Variants in FRMD4B observed in about 807,000 individuals in gnomAD.
FRMD4B encodes FERM domain containing 4B.
Under a neutral mutation model 141.5 loss-of-function variants are expected in FRMD4B, and 74 were observed. The observed-to-expected ratio is 0.52, with a 90% CI of 0.43 to 0.63. FRMD4B has a LOEUF of 0.63. FRMD4B is among the 30% of genes least tolerant of loss of function. FRMD4B has a pLI of 0.00. For synonymous variants in FRMD4B, 506 were observed against 467.9 expected (o/e 1.08, Z -1.05); for missense variants, 1,366 against 1,253.4 (o/e 1.09, Z -1.36).
At chr3:69,528,715 T>C (rs1700968518) in intron 1 of FRMD4B, among the ~76,000 whole-genome samples, 2 of 151,876 alleles carry the variant, frequency 1.3e-5, no homozygotes, top group Non-Finnish European at 2.9e-5. Flanking sequence ...CAAACAAGGA[T>C]TCAAGTGTAA....
chr3:69,215,680 G>C (rs1474436486), intron 11 of FRMD4B, among the ~76,000 whole-genome samples: 4 of 152,122 alleles, frequency 2.6e-5, no homozygotes, highest in African/African-American at 9.7e-5. Flanking sequence ...AGAGATAATA[G>C]CAGCAGAAGA....
In FRMD4B at chr3:69,236,225, T is replaced by G. The variant is rs118048261; in HGVS notation, c.582-11535A>C. Among the ~76,000 whole-genome samples, 495 of 151,822 alleles carry G rather than the reference T, an allele frequency of 3.3e-3. 16 individuals are homozygous for G. In the East Asian group the frequency reaches 0.079, roughly 24 times the overall value. ...GGGTTTTATTGTTGTTGTTATTGTTTTGGTTTTTTTTTTTTTTTTCCGAGA... is the reference window on the plus strand; with the variant it reads ...GGGTTTTATTGTTGTTGTTATTGTTGTGGTTTTTTTTTTTTTTTTCCGAGA... On this transcript the variant is annotated intron_variant, in intron 7 of 22. Coordinates refer to ENST00000398540, the MANE Select transcript of FRMD4B (RefSeq NM_015123.3).
intron 1 of FRMD4B, among the ~76,000 whole-genome samples, chr3:69,469,674 A>G (rs1439529828): frequency 6.6e-6 from 1 of 152,220 alleles, no homozygotes; most frequent in Non-Finnish European, 1.5e-5. Flanking sequence ...ATTATTATTA[A>G]TCACAGTAAT....
At chr3:69,534,185 A>T (rs983344540) in intron 1 of FRMD4B, among the ~76,000 whole-genome samples, 2 of 148,294 alleles carry the variant, frequency 1.3e-5, no homozygotes, top group African/African-American at 5.0e-5. Context: ...TTCCCTTCAT[A>T]GGTTTTGCCA....
intron 1 of FRMD4B, among the ~76,000 whole-genome samples, chr3:69,365,183 G>A (rs1703602224): frequency 6.6e-6 from 1 of 152,176 alleles, no homozygotes. Context: ...ATCACTCTGA[G>A]ATGACAAATA....
At chr3:69,536,266 GA>G (rs1701083320) in intron 1 of FRMD4B, 1 of 617,446 alleles carries the variant, frequency 1.6e-6, no homozygotes, top group Admixed American at 2.7e-5. Context: ...CTCTCCTGGG[GA>G]CCATCAGGGG....
At chr3:69,304,927 T>G (rs1701343898) in intron 3 of FRMD4B, among the ~76,000 whole-genome samples, 1 of 152,196 alleles carries the variant, frequency 6.6e-6, no homozygotes, top group East Asian at 1.9e-4. Flanking sequence ...AAAGCTGTAT[T>G]CATTATAAGT....
At chr3:69,433,327 G>A (rs553903079) in intron 1 of FRMD4B, among the ~76,000 whole-genome samples, 1 of 152,286 alleles carries the variant, frequency 6.6e-6, no homozygotes, top group South Asian at 2.1e-4. Flanking sequence ...AAAGAAAACA[G>A]CTTTTCCCCC....
intron 19 of FRMD4B, among the ~76,000 whole-genome samples, chr3:69,186,980 T>C (rs2092774953): frequency 6.6e-6 from 1 of 152,174 alleles, no homozygotes; most frequent in African/African-American, 2.4e-5. Flanking sequence ...CCTGATAATA[T>C]TTACCTGAGA....
rs58912710 is a variant in FRMD4B at position 69,229,015 on chromosome 3, GT to G, written c.582-4326del. Among the ~76,000 whole-genome samples, 337 of 121,002 alleles carry G rather than the reference GT, an allele frequency of 2.8e-3. 2 individuals are homozygous for G. The highest frequency in any genetic ancestry group is 8.0e-3 in the African/African-American group (264 of 33,200). The allele number at this position is 121,002 out of a possible 152,430, so 79.4% of individuals were successfully genotyped here. On this transcript the variant is annotated intron_variant, in intron 7 of 22. Coordinates refer to ENST00000398540, the MANE Select transcript of FRMD4B (RefSeq NM_015123.3). ...AATCTTGACTATCCCTCAAAATCAT[GT>G]TTTTTTTTTTTTTTTTGTTTTGTTT...
intron 1 of FRMD4B, among the ~76,000 whole-genome samples, chr3:69,476,277 C>G (rs1418837166): frequency 4.6e-5 from 7 of 151,862 alleles, no homozygotes; most frequent in Non-Finnish European, 1.0e-4. Flanking sequence ...AAGTCCTTGC[C>G]CATGCCTATG....
At chr3:69,279,180 C>T (rs566554819) in intron 5 of FRMD4B, among the ~76,000 whole-genome samples, 69 of 152,200 alleles carry the variant, frequency 4.5e-4, no homozygotes, top group African/African-American at 1.5e-3. Flanking sequence ...AAGTATTTTA[C>T]GATAATGCAG....
intron 1 of FRMD4B, among the ~76,000 whole-genome samples, chr3:69,335,388 T>C (rs534365641): frequency 0.02 from 2,756 of 134,526 alleles, 107 homozygotes; most frequent in African/African-American, 0.069. Flanking sequence ...TTTTTTTTTT[T>C]CCGAGACAGA....
At position 69,170,461 on chromosome 3, in the gene FRMD4B, C is replaced by G. The variant is rs185366563; in HGVS notation, c.*1400G>C. On this transcript the variant is annotated 3_prime_UTR_variant, in exon 23 of 23. Coordinates refer to ENST00000398540, the MANE Select transcript of FRMD4B (RefSeq NM_015123.3). ...TTCCCAAACTTCATTTCTAATTATA[C>G]AAATGACTAAGGACCAGTTTAACAA... 6.6e-6 allele frequency: 1 copy of G among 151,850 alleles called. No homozygotes were observed. The highest frequency in any genetic ancestry group is 1.9e-4 in the East Asian group (1 of 5,186). 9.4% of individuals were successfully genotyped at this position (151,850 alleles called of 1,614,324 possible). A position where few individuals can be genotyped will look rare whatever the true frequency, so the allele number is the denominator to read the frequency against.
At chr3:69,238,147 C>G (rs145434850) in intron 7 of FRMD4B, among the ~76,000 whole-genome samples, 1 of 152,258 alleles carries the variant, frequency 6.6e-6, no homozygotes, top group East Asian at 1.9e-4. Context: ...TGTTGGTGCT[C>G]TAATTTACAG....
chr3:69,482,222 A>T (rs1370321505), intron 1 of FRMD4B, among the ~76,000 whole-genome samples: 1 of 152,070 alleles, frequency 6.6e-6, no homozygotes, highest in Non-Finnish European at 1.5e-5. Flanking sequence ...AGGGGTAGGG[A>T]GTAGGGTGGG....
At chr3:69,511,410 A>C (rs368952326) in intron 1 of FRMD4B, among the ~76,000 whole-genome samples, 6 of 152,176 alleles carry the variant, frequency 3.9e-5, no homozygotes, top group Non-Finnish European at 7.3e-5. Context: ...CCCTGCCTAC[A>C]TGGAGCTTAG....
chr3:69,226,890 C>T (rs1188033271), intron 7 of FRMD4B, among the ~76,000 whole-genome samples: 1 of 152,154 alleles, frequency 6.6e-6, no homozygotes, highest in African/African-American at 2.4e-5. Flanking sequence ...AAACGGGTGA[C>T]TTGAAGCTGT....
intron 1 of FRMD4B, among the ~76,000 whole-genome samples, chr3:69,340,083 A>G (rs1396394148): frequency 1.3e-5 from 2 of 152,190 alleles, no homozygotes; most frequent in Non-Finnish European, 2.9e-5. Flanking sequence ...AGCTCAAGGC[A>G]TGAGGGGTTG....
Sources: allele counts gnomAD v4.1 joint callset (sites outside exome capture counted in the v4.1 genomes callset), GRCh38; gene constraint gnomAD v4.1.1; transcripts MANE v1.5; gene names NCBI Gene and HGNC (gene_info 2026-07-23, HGNC 2026-07-21).